Variants in MAPT observed in about 807,000 individuals in gnomAD.
MAPT encodes microtubule associated protein tau.
A neutral mutation model predicts 67.9 loss-of-function variants in MAPT; 34 were observed. The observed-to-expected ratio is 0.50, with a 90% CI of 0.38 to 0.67. The LOEUF (loss-of-function observed/expected upper bound fraction) is 0.67, where lower values mean the gene tolerates loss of function less well. Among genes scored for constraint, MAPT ranks in the 30% least tolerant of loss-of-function variants. The probability of loss-of-function intolerance (pLI) is 0.00; values close to 1 mark genes in which losing one functional copy is unlikely to be tolerated. For synonymous variants in MAPT, 456 were observed against 464.5 expected, an observed-to-expected ratio of 0.98 and a Z score of 0.23; for missense variants, 881 against 1,115.2, an observed-to-expected ratio of 0.79 and a Z score of 2.99.
At chr17:45,964,437 T>A (rs556667186) in intron 2 of MAPT, among the ~76,000 whole-genome samples, 218 of 146,812 alleles carry the variant, frequency 1.5e-3, no homozygotes, top group African/African-American at 5.4e-3. Context: ...CCCAGCACTT[T>A]GGGAGGCTGC....
intron 12 of MAPT, among the ~76,000 whole-genome samples, chr17:46,021,652 T>C (rs2076535801): frequency 6.6e-6 from 1 of 152,250 alleles, no homozygotes; most frequent in African/African-American, 2.4e-5. Context: ...ATGGAAATGC[T>C]GTACCTACGT....
intron 1 of MAPT, among the ~76,000 whole-genome samples, chr17:45,907,299 G>T (rs2064385604): frequency 6.6e-6 from 1 of 152,048 alleles, no homozygotes; most frequent in Non-Finnish European, 1.5e-5. Context: ...CTTCCTCAGT[G>T]TCCATCTTCC....
chr17:45,916,631 G>A (rs190933568), intron 1 of MAPT, among the ~76,000 whole-genome samples: 45 of 152,294 alleles, frequency 3.0e-4, no homozygotes, highest in Admixed American at 9.1e-4. Context: ...CAGTGGAGTT[G>A]CCCACTTTCC....
At chr17:46,005,491 TGAGGCTACTCCA>T (rs2075349728) in intron 9 of MAPT, among the ~76,000 whole-genome samples, 1 of 152,248 alleles carries the variant, frequency 6.6e-6, no homozygotes, top group Admixed American at 6.5e-5. Context: ...CTACAGGTGC[TGAGGCTACTCCA>T]GAGGCTGAGG....
chr17:45,962,999 T>C (rs1344155106), intron 2 of MAPT, among the ~76,000 whole-genome samples: 1 of 152,130 alleles, frequency 6.6e-6, no homozygotes, highest in Non-Finnish European at 1.5e-5. Flanking sequence ...GGGACAGAGA[T>C]TTTAGGGCCT....
chr17:46,014,613 G>A (rs145813331), intron 11 of MAPT, among the ~76,000 whole-genome samples: 3 of 152,296 alleles, frequency 2.0e-5, no homozygotes, highest in East Asian at 3.9e-4. Flanking sequence ...TGTGGCTCAC[G>A]CCTGTAATTC....
intron 12 of MAPT, 64 bp downstream of exon 12, chr17:46,018,794 G>C: frequency 1.7e-6 from 2 of 1,182,736 alleles, no homozygotes. Flanking sequence ...AAGTTGAGTG[G>C]ACAAAGGCTG....
chr17:45,917,142 G>A (rs569100772), intron 1 of MAPT, among the ~76,000 whole-genome samples: 85 of 152,286 alleles, frequency 5.6e-4, no homozygotes, highest in African/African-American at 1.9e-3. Flanking sequence ...CTTCTGTAGT[G>A]AGAAGAACTC....
At chr17:45,988,577 G>T (rs972495164) in intron 6 of MAPT, among the ~76,000 whole-genome samples, 1 of 152,090 alleles carries the variant, frequency 6.6e-6, no homozygotes, top group Non-Finnish European at 1.5e-5. Context: ...TGTGGAATGG[G>T]TTCAAAAGTA....
rs1025951185 is a variant in MAPT at position 45,996,112 on chromosome 17, CTG to C, written c.1733-284_1733-283del. On this transcript the variant is annotated intron_variant, in intron 8 of 12. Transcript: ENST00000262410. The surrounding 1 kb of genome is among the most constrained non-coding windows in gnomAD (Gnocchi z 4.5). ...TGGAGCCCATCTCTTGACCCAAAGA[CTG>C]TGGAGCCGAGTTGGCCACCTCTCTG... Among the ~76,000 whole-genome samples the C allele has an allele frequency of 1.3e-5, 2 of 152,214 alleles. No individual in the cohort carries two copies. The highest frequency in any genetic ancestry group is 4.8e-5 in the African/African-American group (2 of 41,456).
intron 1 of MAPT, among the ~76,000 whole-genome samples, chr17:45,919,357 C>G (rs1356791836): frequency 5.3e-5 from 8 of 152,192 alleles, no homozygotes; most frequent in Non-Finnish European, 1.0e-4. Flanking sequence ...GGCGCCCCCC[C>G]CGCCTGCCCT....
At chr17:46,008,698 A>G (rs7212048) in intron 9 of MAPT, among the ~76,000 whole-genome samples, 13,212 of 152,228 alleles carry the variant, frequency 0.087, 1,771 homozygotes, top group African/African-American at 0.29. Context: ...AAAAAACGGG[A>G]TGAACCAGAA....
intron 1 of MAPT, among the ~76,000 whole-genome samples, chr17:45,948,584 A>G (rs1011557759): frequency 6.6e-5 from 10 of 152,172 alleles, no homozygotes; most frequent in African/African-American, 2.4e-4. Context: ...AATCTCGGCT[A>G]TCACTTGGCC....
chr17:45,947,625 TG>T (rs1422589997), intron 1 of MAPT, among the ~76,000 whole-genome samples: 3 of 151,992 alleles, frequency 2.0e-5, no homozygotes, highest in Non-Finnish European at 1.5e-5. Flanking sequence ...TGACCTCAGA[TG>T]ATTCACCCAC....
intron 1 of MAPT, among the ~76,000 whole-genome samples, chr17:45,926,970 T>C (rs1405133055): frequency 5.2e-5 from 7 of 133,494 alleles, no homozygotes; most frequent in African/African-American, 1.0e-4. Context: ...TATATATACA[T>C]ATATGTGTAT....
chr17:45,926,873 G>A (rs954871332), intron 1 of MAPT, among the ~76,000 whole-genome samples: 2 of 151,586 alleles, frequency 1.3e-5, no homozygotes, highest in East Asian at 3.9e-4. Flanking sequence ...AATAGCTCAG[G>A]AAAAAAGTAC....
chr17:45,972,711 A>T (rs2071845378), intron 3 of MAPT: 1 of 155,094 alleles, frequency 6.4e-6, no homozygotes, highest in South Asian at 2.0e-4. Flanking sequence ...CATGGTTACA[A>T]AGTGGCTGCT....
chr17:46,010,986 G>A lies in MAPT; in HGVS notation c.2091+584G>A, dbSNP rs911804887. ...TTCCTAAGCCTCCAGCTTATGCTTA[G>A]CCTGCGCCACCCTCTGGCAGAGACT... On this transcript the variant is annotated intron_variant, in intron 10 of 12. Coordinates refer to ENST00000262410, the MANE Select transcript of MAPT (RefSeq NM_001377265.1). This position sits in a 1 kb window ranked among gnomAD's most constrained non-coding sequence, Gnocchi z 4.7. 2.0e-5 allele frequency among the ~76,000 whole-genome samples: 3 copies of A among 152,236 alleles called. No homozygotes were observed. The East Asian group carries it at 5.8e-4, about 29-fold the overall frequency.
chr17:45,901,645 A>G (rs539941840), intron 1 of MAPT, among the ~76,000 whole-genome samples: 1 of 152,370 alleles, frequency 6.6e-6, no homozygotes, highest in South Asian at 2.1e-4. Flanking sequence ...TCAGTTTTAA[A>G]AAGTCATTAT....
Sources: gnomAD v4.1 joint callset for allele counts (sites outside exome capture counted in the v4.1 genomes callset) on GRCh38, gnomAD v4.1.1 for gene constraint, Gnocchi (gnomAD v3.1) non-coding constraint, MANE v1.5 for transcripts, NCBI Gene and HGNC (gene_info 2026-07-23, HGNC 2026-07-21) for gene names.